Variants in CCDC187 observed in about 807,000 individuals in gnomAD.
CCDC187 encodes the protein coiled-coil domain-containing protein 187.
Under a neutral mutation model 38.0 loss-of-function variants are expected in CCDC187, and 32 were observed. The ratio of observed to expected loss-of-function variants is 0.84; its 90% confidence interval spans 0.64 to 1.13. The LOEUF (loss-of-function observed/expected upper bound fraction) is 1.13, where lower values mean the gene tolerates loss of function less well. Among genes scored for constraint, CCDC187 ranks in the 50% most tolerant of loss-of-function variants. The pLI is 0.00. For missense variants in CCDC187, 707 were observed against 786.8 expected, an observed-to-expected ratio of 0.90 and a Z score of 1.21; for synonymous variants, 333 against 347.9, an observed-to-expected ratio of 0.96 and a Z score of 0.48.
intron 2 of CCDC187, 90 bp downstream of exon 2, chr9:136,302,722 C>T (rs972969675): frequency 1.3e-5 from 5 of 398,438 alleles, no homozygotes; most frequent in African/African-American, 2.0e-5. Context: ...GCCCCCACCA[C>T]GTGTCCAGCA....
chr9:136,297,695 C>T lies in CCDC187; in HGVS notation c.832+19G>A. 2.5e-6 allele frequency: 1 copy of T among 399,078 alleles called. No homozygotes were observed. Among genetic ancestry groups the T allele is most frequent in the Non-Finnish European group, 4.4e-6 (1 of 226,166 alleles). 24.7% of individuals were successfully genotyped at this position (399,078 alleles called of 1,614,324 possible). ...CATATGCACCTAGCGTGCCAGGGCC[C>T]CAAAATAGCAAACCTTACCTTCGTC... On this transcript the variant is annotated intron_variant, in intron 4 of 25. Coordinates refer to ENST00000638797, the MANE Select transcript of CCDC187 (RefSeq NM_001378188.1).
intron 20 of CCDC187, 72 bp downstream of exon 20, chr9:136,260,047 A>T: frequency 3.1e-6 from 3 of 978,160 alleles, no homozygotes; most frequent in Non-Finnish European, 3.6e-6. Context: ...GCCTAATGCC[A>T]CCCCACACTG....
rs914903070 is a variant in CCDC187 at position 136,291,363 on chromosome 9, G to C, written c.1250C>G (p.Pro417Arg). 2 of 398,900 alleles carry C rather than the reference G, an allele frequency of 5.0e-6. No homozygotes were observed. Among genetic ancestry groups the C allele is most frequent in the Non-Finnish European group, 8.8e-6 (2 of 226,376 alleles). The allele number at this position is 398,900 out of a possible 1,614,324, so 24.7% of individuals were successfully genotyped here. Reference protein sequence around the residue: ...DVAGRGCCRDPNAQSSFSKSP... With the variant: ...DVAGRGCCRDRNAQSSFSKSP... The stretch of plus-strand genomic sequence containing the variant: ...CTTAGAGAAGGAGCTCTGGGCATTG[G>C]GGTCCCTGCAGCAGCCCCTCCCTGC... Residue 417 changes from proline (P) to arginine (R), a missense_variant, in exon 6 of 26, where the codon CCC becomes CGC. By Grantham distance (103) the Pro-to-Arg change is moderately radical (BLOSUM62 -2). Coordinates refer to ENST00000638797, the MANE Select transcript of CCDC187 (RefSeq NM_001378188.1).
At chr9:136,270,658 C>T (rs1345864931) in intron 14 of CCDC187, among the ~76,000 whole-genome samples, 2 of 152,182 alleles carry the variant, frequency 1.3e-5, no homozygotes, top group Non-Finnish European at 2.9e-5. Flanking sequence ...AATATCTAAC[C>T]TCCCACAAGA....
chr9:136,306,703 G>A (rs1831808594), upstream of CCDC187: 1 of 152,776 alleles, frequency 6.5e-6, no homozygotes. Context: ...CCAAGGCCAG[G>A]AGAGAGCAGC....
intron 3 of CCDC187, among the ~76,000 whole-genome samples, chr9:136,299,680 C>T (rs1380566310): frequency 6.6e-6 from 1 of 152,232 alleles, no homozygotes; most frequent in African/African-American, 2.4e-5. Context: ...TCCATCCTAC[C>T]CCTTCCATTT....
At chr9:136,293,896 CCA>C (rs1421425223) in intron 4 of CCDC187, among the ~76,000 whole-genome samples, 16 of 150,322 alleles carry the variant, frequency 1.1e-4, no homozygotes, top group South Asian at 2.1e-4. Context: ...TCACACACAA[CCA>C]CACACACTCA....
In CCDC187 at chr9:136,267,459, G is replaced by A. The variant is rs770373385; in HGVS notation, c.3572C>T (p.Ala1191Val). 7.6e-5 allele frequency: 75 copies of A among 985,616 alleles called. No individual in the cohort carries two copies. Among genetic ancestry groups the A allele is most frequent in the Admixed American group, 3.1e-4 (5 of 16,292 alleles). 61.1% of individuals were successfully genotyped at this position (985,616 alleles called of 1,614,324 possible). The change falls in exon 16 of 26, where the codon GCG becomes GTG. Residue 1191 changes from alanine to valine, a missense_variant. Physicochemically the swap from Ala to Val is moderately conservative, Grantham distance 64. Transcript: ENST00000638797. ...EEELRAQHQA[A>V]LLRLREMALQ... ...CGCCATCTCTCGCAGGCGCAGCAGC[G>A]CGGCCTGGTGCTGTGCTCGCAGCTC... is the stretch of plus-strand genomic sequence containing the variant.
At chr9:136,306,417 G>T (rs997705311), upstream of CCDC187, among the ~76,000 whole-genome samples, 58 of 152,304 alleles carry the variant, frequency 3.8e-4, 1 homozygote, top group African/African-American at 1.4e-3. Context: ...TCCCTGGGGG[G>T]ACGGTCCCCT....
chr9:136,250,598 A>G lies in CCDC187; in HGVS notation c.*2996T>C. Reference sequence around the variant, plus strand: ...TTGTTCAGAAGACTAGAAGGGGATCAATGAGAAAGCTGTAGCTCAGCTCAA... The same window carrying G: ...TTGTTCAGAAGACTAGAAGGGGATCGATGAGAAAGCTGTAGCTCAGCTCAA... On this transcript the variant is annotated 3_prime_UTR_variant, in exon 26 of 26. Transcript: ENST00000638797. 1 of 367,572 alleles carries G rather than the reference A, an allele frequency of 2.7e-6. No individual in the cohort carries two copies. Among genetic ancestry groups the G allele is most frequent in the Non-Finnish European group, 5.5e-6 (1 of 182,874 alleles). The allele number at this position is 367,572 out of a possible 1,614,324, so 22.8% of individuals were successfully genotyped here. A position where few individuals can be genotyped will look rare whatever the true frequency, so the allele number is the denominator to read the frequency against.
intron 2 of CCDC187, among the ~76,000 whole-genome samples, chr9:136,301,718 C>CT (rs1254029687): frequency 1.3e-5 from 2 of 151,328 alleles, no homozygotes; most frequent in African/African-American, 4.9e-5. Flanking sequence ...TCCTGAGTAG[C>CT]TGGGACTACA....
In CCDC187 at chr9:136,257,616, C is replaced by A. The variant is rs1554760471; in HGVS notation, c.4367-775G>T. On this transcript the variant is annotated intron_variant, in intron 22 of 25. Coordinates refer to ENST00000638797, the MANE Select transcript of CCDC187 (RefSeq NM_001378188.1). The surrounding 1 kb of genome is among the most constrained non-coding windows in gnomAD (Gnocchi z 4.5). ...GGGTGGGGCCACCGCAGAGCCCTCC[C>A]CAGGAGCACCAGGCCCCCCAGCATT... is the stretch of plus-strand genomic sequence containing the variant. 2.6e-5 allele frequency among the ~76,000 whole-genome samples: 4 copies of A among 152,136 alleles called. No homozygotes were observed. The highest frequency in any genetic ancestry group is 5.9e-5 in the Non-Finnish European group (4 of 68,010).
chr9:136,258,540 C>CGGG lies in CCDC187; in HGVS notation c.4366+389_4366+391dup, dbSNP rs150213476. On this transcript the variant is annotated intron_variant, in intron 22 of 25. Coordinates refer to ENST00000638797, the MANE Select transcript of CCDC187 (RefSeq NM_001378188.1). The surrounding 1 kb of genome is among the most constrained non-coding windows in gnomAD (Gnocchi z 4.3). ...ACCTGCAAATTGGGGACTTGGCTCT[C>CGGG]GGGGGGGGCCCCGGCCAAGTGTAAG... 6.6e-6 allele frequency among the ~76,000 whole-genome samples: 1 copy of CGGG among 151,510 alleles called. No homozygotes were observed. The highest frequency in any genetic ancestry group is 2.0e-4 in the East Asian group (1 of 5,064).
At chr9:136,294,114 A>G (rs1427810188) in intron 4 of CCDC187, among the ~76,000 whole-genome samples, 2 of 79,676 alleles carry the variant, frequency 2.5e-5, no homozygotes, top group Non-Finnish European at 5.3e-5. Flanking sequence ...TCACACTCAC[A>G]CACTCTCACA....
At chr9:136,281,172 G>A (rs1831031971) in intron 10 of CCDC187, 3 of 352,592 alleles carry the variant, frequency 8.5e-6, no homozygotes, top group Admixed American at 9.5e-5. Flanking sequence ...ACCAGGCAGT[G>A]GGCACTGCTC....
At chr9:136,292,417 C>A in intron 4 of CCDC187, 122 bp from the exon 5 acceptor site, 1 of 396,788 alleles carries the variant, frequency 2.5e-6, no homozygotes, top group South Asian at 1.4e-4. Flanking sequence ...CAGAAGGCAC[C>A]GGGAGGATAT....
intron 15 of CCDC187, 70 bp from the exon 16 acceptor site, chr9:136,267,581 G>A (rs1830769030): frequency 1.0e-6 from 1 of 985,474 alleles, no homozygotes; most frequent in African/African-American, 1.7e-5. Flanking sequence ...CGGGGCTCCA[G>A]TAGGGTGGGC....
intron 4 of CCDC187, among the ~76,000 whole-genome samples, chr9:136,293,379 ACACT>A (rs1316750672): frequency 1.3e-4 from 18 of 141,720 alleles, no homozygotes; most frequent in African/African-American, 3.4e-4. Context: ...TCACACACTC[ACACT>A]CACATGCTCA....
chr9:136,250,062 C>A lies in CCDC187; in HGVS notation c.*3532G>T, dbSNP rs35244336. ...AGCAGGAGACCTTGAAGGGGAGGAA[C>A]CTTGGATTACCATCTTGCCCGGTCA... On this transcript the variant is annotated 3_prime_UTR_variant, in exon 26 of 26. Coordinates refer to ENST00000638797, the MANE Select transcript of CCDC187 (RefSeq NM_001378188.1). 87,086 of 152,124 alleles carry A rather than the reference C, an allele frequency of 0.57. 26,649 individuals carry two copies. The highest frequency in any genetic ancestry group is 0.7 in the South Asian group (3,386 of 4,822). 9.4% of individuals were successfully genotyped at this position (152,124 alleles called of 1,614,324 possible).
Sources: allele counts gnomAD v4.1 joint callset (sites outside exome capture counted in the v4.1 genomes callset), GRCh38; gene constraint gnomAD v4.1.1; non-coding constraint Gnocchi (gnomAD v3.1); transcripts MANE v1.5; gene names NCBI Gene and HGNC (gene_info 2026-07-23, HGNC 2026-07-21).